MLLT10: variants seen among roughly 807,000 people sequenced by gnomAD.
MLLT10 encodes the protein MLLT10 histone lysine methyltransferase DOT1L cofactor, also known as protein AF-10.
Under a neutral mutation model 129.1 loss-of-function variants are expected in MLLT10, and 30 were observed. The observed-to-expected ratio is 0.23, with a 90% CI of 0.17 to 0.32. MLLT10 has a LOEUF of 0.32. MLLT10 is among the 10% of genes least tolerant of loss of function. The pLI is 1.00. For missense variants in MLLT10, 1,119 were observed against 1,268.3 expected, an observed-to-expected ratio of 0.88 and a Z score of 1.79; for synonymous variants, 490 against 446.4, an observed-to-expected ratio of 1.10 and a Z score of -1.23.
chr10:21,641,886 C>CAGTA (rs2048038804), intron 8 of MLLT10, among the ~76,000 whole-genome samples: 1 of 152,202 alleles, frequency 6.6e-6, no homozygotes, highest in Non-Finnish European at 1.5e-5. Flanking sequence ...GTTAATTTAA[C>CAGTA]AGTAGCCAAT....
chr10:21,679,139 T>C (rs1276356957), intron 11 of MLLT10, among the ~76,000 whole-genome samples: 1 of 152,216 alleles, frequency 6.6e-6, no homozygotes, highest in Non-Finnish European at 1.5e-5. Context: ...TGGATTGAAG[T>C]GTGTCCTGAT....
At chr10:21,580,793 C>G (rs1200393273) in intron 3 of MLLT10, among the ~76,000 whole-genome samples, 1 of 151,874 alleles carries the variant, frequency 6.6e-6, no homozygotes, top group East Asian at 1.9e-4. Flanking sequence ...CCTCTGCCTC[C>G]TGGGTTCATG....
intron 21 of MLLT10, among the ~76,000 whole-genome samples, chr10:21,736,968 A>G (rs2058421944): frequency 6.6e-6 from 1 of 152,212 alleles, no homozygotes; most frequent in African/African-American, 2.4e-5. Flanking sequence ...GTGGCCAGTG[A>G]GCCAAGAGAA....
chr10:21,674,525 A>G (rs535973076), intron 11 of MLLT10, among the ~76,000 whole-genome samples: 1 of 152,298 alleles, frequency 6.6e-6, no homozygotes, highest in Admixed American at 6.5e-5. Context: ...TCTTTTTATT[A>G]TAAGACAAGT....
At chr10:21,555,698 A>C (rs1367940612) in intron 3 of MLLT10, among the ~76,000 whole-genome samples, 2 of 134,234 alleles carry the variant, frequency 1.5e-5, no homozygotes, top group African/African-American at 5.6e-5. Flanking sequence ...TTTTTTTGAG[A>C]GGGAGTTTCA....
At chr10:21,547,328 G>T (rs1216721188) in intron 3 of MLLT10, among the ~76,000 whole-genome samples, 1 of 151,716 alleles carries the variant, frequency 6.6e-6, no homozygotes, top group African/African-American at 2.4e-5. Context: ...AAGGTCCTTG[G>T]GACGCCTTGA....
intron 5 of MLLT10, 46 bp downstream of exon 5, chr10:21,595,486 A>G: frequency 1.4e-6 from 2 of 1,440,758 alleles, no homozygotes; most frequent in Non-Finnish European, 1.9e-6. Flanking sequence ...CACTACTGGG[A>G]AGTAGAAAGG....
rs775623526 is a variant in MLLT10 at position 21,735,122 on chromosome 10, T to C, written c.2859-17T>C. 3.8e-6 allele frequency: 6 copies of C among 1,595,672 alleles called. No homozygotes were observed. The highest frequency in any genetic ancestry group is 1.1e-5 in the South Asian group (1 of 89,646). ...AGAGGTGTGTAGTAAAAAGTAAGAATTGTAATCATTTTTCAGTGCCTCAGG... is the reference window on the plus strand; with the variant it reads ...AGAGGTGTGTAGTAAAAAGTAAGAACTGTAATCATTTTTCAGTGCCTCAGG... On this transcript the variant is annotated splice_polypyrimidine_tract_variant and intron_variant, in intron 20 of 22. Coordinates refer to ENST00000307729, the MANE Select transcript of MLLT10 (RefSeq NM_001195626.3).
intron 5 of MLLT10, among the ~76,000 whole-genome samples, chr10:21,611,245 G>T (rs1306465647): frequency 6.6e-6 from 1 of 151,208 alleles, no homozygotes; most frequent in Non-Finnish European, 1.5e-5. Context: ...CTGACCTCAG[G>T]TGATCCACCC....
At chr10:21,657,765 A>G (rs2049760070) in intron 9 of MLLT10, among the ~76,000 whole-genome samples, 2 of 152,154 alleles carry the variant, frequency 1.3e-5, no homozygotes, top group Non-Finnish European at 2.9e-5. Context: ...TTAAAAGAGG[A>G]TAAAGGAGAA....
Position 21,625,989 on chromosome 10 carries a change from G to T in MLLT10, c.699+8782G>T. On this transcript the variant is annotated intron_variant, in intron 8 of 22. Transcript: ENST00000307729. ...TGCACACCAGAGTACACACTGTTTG[G>T]TGGAGGCCCACCATACTTCCTCTGT... The T allele has an allele frequency of 2.1e-6, 2 of 943,352 alleles. 1 individual carries two copies. Among genetic ancestry groups the T allele is most frequent in the Admixed American group, 3.4e-5 (2 of 59,218 alleles). 58.4% of individuals were successfully genotyped at this position (943,352 alleles called of 1,614,324 possible).
intron 15 of MLLT10, among the ~76,000 whole-genome samples, chr10:21,726,616 A>G (rs766940026): frequency 6.6e-6 from 1 of 151,864 alleles, no homozygotes; most frequent in Non-Finnish European, 1.5e-5. Flanking sequence ...CAAACTGTCA[A>G]TTTACAATAA....
intron 13 of MLLT10, among the ~76,000 whole-genome samples, chr10:21,713,392 T>TA (rs1264277698): frequency 6.6e-6 from 1 of 152,238 alleles, no homozygotes; most frequent in Non-Finnish European, 1.5e-5. Flanking sequence ...TCTGGGGCTT[T>TA]AGCATTTGCC....
intron 3 of MLLT10, among the ~76,000 whole-genome samples, chr10:21,539,905 A>G (rs1341842224): frequency 6.6e-6 from 1 of 151,674 alleles, no homozygotes; most frequent in Non-Finnish European, 1.5e-5. Flanking sequence ...AGATCATGCC[A>G]TTGCACTCCA....
chr10:21,704,016 G>GTTTTTTTTTTTTTTTTTTTT lies in MLLT10; in HGVS notation c.1700-9752_1700-9733dup, dbSNP rs60982595. On this transcript the variant is annotated intron_variant, in intron 13 of 22. Transcript: ENST00000307729. ...ACATTTTGGATTTCGATTGTTTTTTGTTTTTTTTTTTTTTTTTTTTTTTGA... is the reference window on the plus strand; with the variant it reads ...ACATTTTGGATTTCGATTGTTTTTTGTTTTTTTTTTTTTTTTTTTTTTTTTTTTTTTTTTTTTTTTTTTGA... Among the ~76,000 whole-genome samples, 20 of 56,632 alleles carry GTTTTTTTTTTTTTTTTTTTT rather than the reference G, an allele frequency of 3.5e-4. 1 individual carries two copies. Among genetic ancestry groups the GTTTTTTTTTTTTTTTTTTTT allele is most frequent in the East Asian group, 1.2e-3 (2 of 1,644 alleles). 37.2% of individuals were successfully genotyped at this position (56,632 alleles called of 152,430 possible). A position where few individuals can be genotyped will look rare whatever the true frequency, so the allele number is the denominator to read the frequency against.
At chr10:21,678,095 GCTTTTCTTTT>G (rs202146373) in intron 11 of MLLT10, among the ~76,000 whole-genome samples, 6 of 152,050 alleles carry the variant, frequency 3.9e-5, no homozygotes, top group African/African-American at 9.6e-5. Context: ...TATTTGTAAA[GCTTTTCTTTT>G]CTTTTCTTTT....
chr10:21,689,817 A>G (rs898057471), intron 13 of MLLT10, among the ~76,000 whole-genome samples: 2 of 151,634 alleles, frequency 1.3e-5, no homozygotes, highest in Non-Finnish European at 1.5e-5. Context: ...ACTGGTGGGT[A>G]GCATGTAAAA....
intron 9 of MLLT10, among the ~76,000 whole-genome samples, chr10:21,662,363 A>G (rs2131351131): frequency 6.6e-6 from 1 of 152,066 alleles, no homozygotes; most frequent in Non-Finnish European, 1.5e-5. Context: ...TGTGTTTTGT[A>G]TATGTCCCAG....
intron 3 of MLLT10, among the ~76,000 whole-genome samples, chr10:21,571,342 C>T (rs771350220): frequency 3.3e-5 from 5 of 152,174 alleles, no homozygotes; most frequent in African/African-American, 4.8e-5. Flanking sequence ...CAGCTCTCTA[C>T]TCAGTGCTGG....
Sources: allele counts gnomAD v4.1 joint callset (sites outside exome capture counted in the v4.1 genomes callset), GRCh38; gene constraint gnomAD v4.1.1; transcripts MANE v1.5; gene names NCBI Gene and HGNC (gene_info 2026-07-23, HGNC 2026-07-21).